The following SLC25A31 variants were observed in gnomAD, a reference collection of about 807,000 sequenced individuals.
SLC25A31 encodes solute carrier family 25 member 31.
In SLC25A31, 40 loss-of-function variants were observed where a neutral mutation model predicts 36.2. The observed-to-expected ratio is 1.10, with a 90% CI of 0.86 to 1.44. The LOEUF (loss-of-function observed/expected upper bound fraction) is 1.44, where lower values mean the gene tolerates loss of function less well. Ranked by LOEUF, SLC25A31 falls within the 40% of genes most tolerant of loss-of-function variation. SLC25A31 has a pLI of 0.00. For synonymous variants in SLC25A31, 143 were observed against 149.7 expected, an observed-to-expected ratio of 0.96 and a Z score of 0.32; for missense variants, 350 against 397.1, an observed-to-expected ratio of 0.88 and a Z score of 1.01.
chr4:127,754,179 C>A (rs1290938317), intron 2 of SLC25A31, among the ~76,000 whole-genome samples: 4 of 151,904 alleles, frequency 2.6e-5, no homozygotes. Flanking sequence ...TATGATAAGC[C>A]CACAGCTAAC....
chr4:127,736,016 A>G (rs982457219), intron 1 of SLC25A31, among the ~76,000 whole-genome samples: 1 of 149,738 alleles, frequency 6.7e-6, no homozygotes, highest in Non-Finnish European at 1.5e-5. Context: ...CAGCCTCCCG[A>G]GTAGCTGGGA....
chr4:127,763,063 C>G (rs1458087846), intron 2 of SLC25A31, among the ~76,000 whole-genome samples: 3 of 152,056 alleles, frequency 2.0e-5, no homozygotes, highest in Admixed American at 2.0e-4. Context: ...CCACTGCACT[C>G]CAGCTTGGGT....
At chr4:127,762,210 GTAGA>G (rs1314089266) in intron 2 of SLC25A31, among the ~76,000 whole-genome samples, 1 of 152,148 alleles carries the variant, frequency 6.6e-6, no homozygotes, top group African/African-American at 2.4e-5. Flanking sequence ...CAGCTGATGA[GTAGA>G]TAATGTTCAT....
intron 1 of SLC25A31, among the ~76,000 whole-genome samples, chr4:127,732,791 T>A (rs528880766): frequency 2.4e-4 from 36 of 152,330 alleles, no homozygotes; most frequent in African/African-American, 8.4e-4. Flanking sequence ...TATCCTATGC[T>A]AAGAGATCAG....
At chr4:127,734,245 A>T (rs555956305) in intron 1 of SLC25A31, among the ~76,000 whole-genome samples, 36 of 152,308 alleles carry the variant, frequency 2.4e-4, no homozygotes, top group African/African-American at 8.4e-4. Context: ...TCTTATTAGT[A>T]TATTGTAAAT....
At position 127,743,175 on chromosome 4, in the gene SLC25A31, T is replaced by A. The variant is rs183842287; in HGVS notation, c.233-1497T>A. ...AGACAGGTTCTTATTCTGTCACGCA[T>A]GCTGGAATGAGGTTGTGTGATCATA... On this transcript the variant is annotated intron_variant, in intron 1 of 5. Coordinates refer to ENST00000281154, the MANE Select transcript of SLC25A31 (RefSeq NM_031291.4). 3.0e-3 allele frequency among the ~76,000 whole-genome samples: 455 copies of A among 150,926 alleles called. 3 individuals are homozygous for A. Among genetic ancestry groups the A allele is most frequent in the Non-Finnish European group, 5.1e-3 (343 of 67,698 alleles).
At chr4:127,731,654 C>T (rs1036041904) in intron 1 of SLC25A31, among the ~76,000 whole-genome samples, 4 of 152,140 alleles carry the variant, frequency 2.6e-5, no homozygotes, top group African/African-American at 9.7e-5. Context: ...CACCGCACTC[C>T]AGCCTGGATG....
At chr4:127,755,085 G>A (rs1265715160) in intron 2 of SLC25A31, among the ~76,000 whole-genome samples, 5 of 152,110 alleles carry the variant, frequency 3.3e-5, no homozygotes, top group Non-Finnish European at 4.4e-5. Context: ...CAAAAGGGAT[G>A]TCCATATGCA....
At chr4:127,767,931 TAA>T (rs1732277024) in intron 4 of SLC25A31, among the ~76,000 whole-genome samples, 1 of 151,238 alleles carries the variant, frequency 6.6e-6, no homozygotes, top group Non-Finnish European at 1.5e-5. Context: ...AATAAGAAAA[TAA>T]AGATAATTGT....
At position 127,764,329 on chromosome 4, in the gene SLC25A31, C is replaced by T; in HGVS notation, c.447C>T (p.Ala149=). ...SLCVVYPLDF[A]RTRLGVDIGK... ...GTGTAGTATATCCTCTAGATTTTGC[C>T]CGAACCCGATTAGGTGTCGATATTG... Residue 149 remains alanine, a synonymous_variant, in exon 3 of 6, where the codon GCC becomes GCT. Coordinates refer to ENST00000281154, the MANE Select transcript of SLC25A31 (RefSeq NM_031291.4). 6.2e-7 allele frequency: 1 copy of T among 1,613,622 alleles called. No individual in the cohort carries two copies. The highest frequency in any genetic ancestry group is 8.5e-7 in the Non-Finnish European group (1 of 1,179,790).
intron 1 of SLC25A31, among the ~76,000 whole-genome samples, chr4:127,739,571 G>A (rs562832756): frequency 6.6e-6 from 1 of 152,114 alleles, no homozygotes; most frequent in South Asian, 2.1e-4. Context: ...TATATGCCTT[G>A]GTGATTGATG....
At chr4:127,766,089 C>G (rs144374294) in intron 3 of SLC25A31, among the ~76,000 whole-genome samples, 4 of 151,778 alleles carry the variant, frequency 2.6e-5, no homozygotes, top group Non-Finnish European at 5.9e-5. Context: ...CTATCTTAAA[C>G]TATCCTTACT....
At chr4:127,737,620 C>T (rs865889916) in intron 1 of SLC25A31, among the ~76,000 whole-genome samples, 4 of 151,742 alleles carry the variant, frequency 2.6e-5, no homozygotes, top group Admixed American at 6.6e-5. Flanking sequence ...AGGGCACAAT[C>T]GTGACTTAAC....
chr4:127,770,624 CAAAAAA>C (rs929840345), intron 5 of SLC25A31, among the ~76,000 whole-genome samples: 1 of 130,036 alleles, frequency 7.7e-6, no homozygotes, highest in African/African-American at 2.9e-5. Context: ...GACTCTGTCT[CAAAAAA>C]AAAAAGAAAA....
chr4:127,761,332 A>T (rs1299429288), intron 2 of SLC25A31, among the ~76,000 whole-genome samples: 1 of 152,204 alleles, frequency 6.6e-6, no homozygotes, highest in Non-Finnish European at 1.5e-5. Flanking sequence ...GATTAAGTAG[A>T]ACTTAAGATC....
intron 1 of SLC25A31, among the ~76,000 whole-genome samples, chr4:127,740,896 G>C (rs1366901471): frequency 6.6e-6 from 1 of 152,146 alleles, no homozygotes; most frequent in Non-Finnish European, 1.5e-5. Context: ...TAGGTGAGTG[G>C]GTGCTCCAAA....
intron 1 of SLC25A31, among the ~76,000 whole-genome samples, chr4:127,735,789 C>T (rs1578654543): frequency 1.7e-5 from 2 of 121,130 alleles, no homozygotes; most frequent in Admixed American, 2.0e-4. Context: ...ATCATCAAAA[C>T]ATGTTGAACC....
intron 1 of SLC25A31, among the ~76,000 whole-genome samples, chr4:127,743,226 G>C (rs1360625871): frequency 3.3e-5 from 5 of 150,562 alleles, no homozygotes; most frequent in Non-Finnish European, 7.4e-5. Context: ...TACGTCCTCA[G>C]CTCAAGAAAT....
chr4:127,770,241 T>C (rs1486706372), intron 5 of SLC25A31, among the ~76,000 whole-genome samples: 1 of 152,234 alleles, frequency 6.6e-6, no homozygotes, highest in African/African-American at 2.4e-5. Flanking sequence ...GCACGTAGAC[T>C]ATGGATTGGG....
Sources: allele counts gnomAD v4.1 joint callset (sites outside exome capture counted in the v4.1 genomes callset), GRCh38; gene constraint gnomAD v4.1.1; transcripts MANE v1.5; gene names NCBI Gene and HGNC (gene_info 2026-07-23, HGNC 2026-07-21).